EPS15: variants seen among roughly 807,000 people sequenced by gnomAD.
EPS15 encodes the protein epidermal growth factor receptor substrate 15.
EPS15 carries 72 observed loss-of-function variants against 113.8 expected under a neutral mutation model. The ratio of observed to expected loss-of-function variants is 0.63; its 90% CI spans 0.52 to 0.77. The LOEUF (loss-of-function observed/expected upper bound fraction) is 0.77. Among genes scored for constraint, EPS15 ranks in the 30% least tolerant of loss-of-function variants. The pLI is 0.00. For synonymous variants in EPS15, 344 were observed against 363.4 expected (o/e 0.95, Z 0.61); for missense variants, 1,048 against 1,045.8 (o/e 1.00, Z -0.03).
chr1:51,426,999 C>A (rs576906380), intron 12 of EPS15, among the ~76,000 whole-genome samples: 1 of 152,056 alleles, frequency 6.6e-6, no homozygotes, highest in East Asian at 1.9e-4. Context: ...TAGGGGTCAT[C>A]AAATTCTTTT....
intron 20 of EPS15, among the ~76,000 whole-genome samples, chr1:51,395,879 A>C (rs1366856573): frequency 6.6e-6 from 1 of 152,126 alleles, no homozygotes; most frequent in African/African-American, 2.4e-5. Flanking sequence ...TGTATTACAG[A>C]CTCTATTTCC....
intron 20 of EPS15, among the ~76,000 whole-genome samples, chr1:51,396,362 A>C (rs921686724): frequency 2.6e-5 from 4 of 152,128 alleles, no homozygotes; most frequent in Non-Finnish European, 4.4e-5. Context: ...GTTTTTTTTC[A>C]GATTTTGGAA....
intron 7 of EPS15, among the ~76,000 whole-genome samples, 170 bp from the exon 8 acceptor site, chr1:51,461,320 A>T (rs1287077943): frequency 6.6e-6 from 1 of 152,064 alleles, no homozygotes; most frequent in Admixed American, 6.6e-5. Context: ...AGTTTGAGAC[A>T]GCCTAGGAAA....
intron 1 of EPS15, among the ~76,000 whole-genome samples, chr1:51,513,240 A>G (rs562269635): frequency 5.9e-5 from 9 of 152,374 alleles, no homozygotes; most frequent in Non-Finnish European, 8.8e-5. Context: ...GTAAAAGAGT[A>G]TCCACTGCAG....
intron 1 of EPS15, among the ~76,000 whole-genome samples, chr1:51,508,215 A>AAAGAG (rs1644533969): frequency 1.5e-5 from 2 of 130,880 alleles, no homozygotes; most frequent in African/African-American, 5.9e-5. Context: ...AAAGAAAAGA[A>AAAGAG]AAGAAAAGAA....
At chr1:51,383,822 C>CTCT (rs1464673769) in intron 21 of EPS15, among the ~76,000 whole-genome samples, 4 of 152,120 alleles carry the variant, frequency 2.6e-5, no homozygotes, top group Non-Finnish European at 5.9e-5. Flanking sequence ...AAATAACATG[C>CTCT]TCTTATATGT....
intron 21 of EPS15, among the ~76,000 whole-genome samples, 195 bp from the exon 22 acceptor site, chr1:51,366,224 T>C (rs562462848): frequency 6.6e-5 from 10 of 152,202 alleles, no homozygotes; most frequent in Admixed American, 2.6e-4. Flanking sequence ...TGCACCACCA[T>C]GCCTGACTAA....
chr1:51,399,208 T>C (rs1243061646), intron 19 of EPS15, 43 bp from the exon 20 acceptor site: 3 of 1,584,252 alleles, frequency 1.9e-6, no homozygotes, highest in African/African-American at 2.7e-5. Flanking sequence ...AAAAAAATTA[T>C]TGCACTAAAT....
intron 1 of EPS15, among the ~76,000 whole-genome samples, chr1:51,510,634 C>G (rs1489724440): frequency 6.6e-6 from 1 of 151,962 alleles, no homozygotes; most frequent in African/African-American, 2.4e-5. Context: ...AGTTTCCAAA[C>G]TACAGTGGAG....
intron 21 of EPS15, among the ~76,000 whole-genome samples, chr1:51,384,294 C>CTTTTTTTTTTTT (rs201374174): frequency 3.0e-5 from 3 of 98,522 alleles, no homozygotes; most frequent in African/African-American, 1.2e-4. Flanking sequence ...CTTTTTCTTT[C>CTTTTTTTTTTTT]TTTCTTTTTT....
chr1:51,492,516 T>G (rs896333163), intron 1 of EPS15, among the ~76,000 whole-genome samples: 1 of 152,124 alleles, frequency 6.6e-6, no homozygotes, highest in African/African-American at 2.4e-5. Flanking sequence ...AAAATACTAC[T>G]GAAAAACGAT....
At chr1:51,475,301 G>A (rs1655588122) in intron 2 of EPS15, among the ~76,000 whole-genome samples, 1 of 152,166 alleles carries the variant, frequency 6.6e-6, no homozygotes, top group South Asian at 2.1e-4. Flanking sequence ...CCCATCAACA[G>A]TGTAAAAGTG....
At chr1:51,434,218 A>T (rs1338368416) in intron 12 of EPS15, among the ~76,000 whole-genome samples, 2 of 152,228 alleles carry the variant, frequency 1.3e-5, no homozygotes, top group Non-Finnish European at 2.9e-5. Context: ...AACTGACAGC[A>T]GGGTCTTGAA....
At chr1:51,468,120 G>A (rs556470457) in intron 5 of EPS15, among the ~76,000 whole-genome samples, 43 of 151,894 alleles carry the variant, frequency 2.8e-4, no homozygotes, top group African/African-American at 9.4e-4. Flanking sequence ...CAACACACTC[G>A]GCTAAATTTT....
intron 21 of EPS15, among the ~76,000 whole-genome samples, chr1:51,390,214 A>G (rs1214842001): frequency 1.3e-5 from 2 of 152,184 alleles, no homozygotes; most frequent in Non-Finnish European, 2.9e-5. Context: ...AGCAATGAGG[A>G]AAGGATTCCC....
intron 1 of EPS15, among the ~76,000 whole-genome samples, chr1:51,483,766 A>C (rs1557513815): frequency 6.6e-6 from 1 of 151,656 alleles, no homozygotes; most frequent in Non-Finnish European, 1.5e-5. Context: ...AAATCACGCC[A>C]CTGCACTCCA....
chr1:51,402,604 CAT>C, intron 17 of EPS15, 79 bp from the exon 18 acceptor site: 1 of 744,176 alleles, frequency 1.3e-6, no homozygotes, highest in South Asian at 1.8e-5. Flanking sequence ...AAATAACACA[CAT>C]TCAGGTCATA....
intron 21 of EPS15, among the ~76,000 whole-genome samples, chr1:51,390,337 C>T (rs533688452): frequency 1.4e-4 from 22 of 151,860 alleles, no homozygotes; most frequent in South Asian, 6.3e-4. Context: ...AAGACTTAAA[C>T]GTTAGACCTA....
chr1:51,378,920 T>G (rs1017404542), intron 21 of EPS15, among the ~76,000 whole-genome samples: 3 of 152,096 alleles, frequency 2.0e-5, no homozygotes, highest in African/African-American at 7.2e-5. Context: ...AGAGCTTATT[T>G]GAAGAAATAA....
Sources: allele counts gnomAD v4.1 joint callset (sites outside exome capture counted in the v4.1 genomes callset), GRCh38; gene constraint gnomAD v4.1.1; transcripts MANE v1.5; gene names NCBI Gene and HGNC (gene_info 2026-07-23, HGNC 2026-07-21).